The following CACNA2D3 variants were observed in gnomAD, a reference collection of about 807,000 sequenced individuals.
CACNA2D3 encodes the protein calcium voltage-gated channel auxiliary subunit alpha2delta 3, also known as voltage-dependent calcium channel subunit alpha-2/delta-3.
CACNA2D3 carries 60 observed loss-of-function variants against 160.6 expected under a neutral mutation model. That is an observed-to-expected ratio of 0.37 (90% CI 0.30 to 0.46). The LOEUF is 0.46. Ranked by LOEUF, CACNA2D3 falls within the 20% of genes least tolerant of loss-of-function variation. The pLI, the probability that CACNA2D3 is intolerant of heterozygous loss-of-function variation, is 1.00. For synonymous variants in CACNA2D3, 558 were observed against 492.9 expected, an observed-to-expected ratio of 1.13 and a Z score of -1.75; for missense variants, 1,205 against 1,365.0, an observed-to-expected ratio of 0.88 and a Z score of 1.85.
intron 4 of CACNA2D3, among the ~76,000 whole-genome samples, chr3:54,400,066 G>T (rs1255080163): frequency 7.3e-6 from 1 of 136,366 alleles, no homozygotes; most frequent in Non-Finnish European, 1.6e-5. Flanking sequence ...CGATTTTCCA[G>T]GTGCGTCCGT....
intron 11 of CACNA2D3, among the ~76,000 whole-genome samples, chr3:54,644,255 T>C (rs1487650815): frequency 6.6e-6 from 1 of 152,036 alleles, no homozygotes; most frequent in Non-Finnish European, 1.5e-5. Context: ...ATTCTGGAAA[T>C]TTCAACATTA....
At chr3:54,194,428 T>C (rs1701037134) in intron 2 of CACNA2D3, among the ~76,000 whole-genome samples, 1 of 152,168 alleles carries the variant, frequency 6.6e-6, no homozygotes, top group South Asian at 2.1e-4. Context: ...CATTTCATAA[T>C]GGCCAAAGTC....
At position 54,821,637 on chromosome 3, in the gene CACNA2D3, TTTCG is replaced by T. The variant is rs1426988305; in HGVS notation, c.1398+4771_1398+4774del. The stretch of plus-strand genomic sequence containing the variant: ...TGGAAGCCTTCGTTTTTCTAGAGTC[TTTCG>T]TTCTTTCTTTCTTTCTTTCTTTCTT... On this transcript the variant is annotated intron_variant, in intron 14 of 37. Coordinates refer to ENST00000474759, the MANE Select transcript of CACNA2D3 (RefSeq NM_018398.3). 1.4e-3 allele frequency among the ~76,000 whole-genome samples: 204 copies of T among 147,808 alleles called. 2 individuals are homozygous for T. Among genetic ancestry groups the T allele is most frequent in the African/African-American group, 4.1e-3 (162 of 39,672 alleles).
At chr3:54,918,409 G>A in intron 27 of CACNA2D3, 1 of 1,431,642 alleles carries the variant, frequency 7.0e-7, no homozygotes, top group Admixed American at 2.0e-5. Context: ...GCCCTACTCA[G>A]ACACTATCTT....
intron 17 of CACNA2D3, among the ~76,000 whole-genome samples, chr3:54,859,980 A>ACACACACG (rs1699254683): frequency 6.7e-6 from 1 of 148,344 alleles, no homozygotes; most frequent in African/African-American, 2.5e-5. Flanking sequence ...ATGCACACAC[A>ACACACACG]CACACACACA....
intron 4 of CACNA2D3, among the ~76,000 whole-genome samples, chr3:54,400,036 A>T (rs1382971888): frequency 1.5e-5 from 2 of 131,254 alleles, no homozygotes; most frequent in Non-Finnish European, 3.3e-5. Context: ...GAAAAGTGCA[A>T]TATTCGGGTG....
At chr3:54,230,840 T>C (rs1347609755) in intron 2 of CACNA2D3, among the ~76,000 whole-genome samples, 1 of 152,272 alleles carries the variant, frequency 6.6e-6, no homozygotes. Context: ...TAAATTGAGC[T>C]GTAAACATTT....
intron 12 of CACNA2D3, among the ~76,000 whole-genome samples, chr3:54,757,858 A>G (rs1024332246): frequency 3.3e-5 from 5 of 152,218 alleles, no homozygotes; most frequent in African/African-American, 4.8e-5. Context: ...CGGTAGAGCT[A>G]GGATTTAGGC....
rs529528072 is a variant in CACNA2D3 at position 54,470,776 on chromosome 3, A to G, written c.382-32716A>G. 1.1e-4 allele frequency among the ~76,000 whole-genome samples: 17 copies of G among 152,360 alleles called. No individual in the cohort carries two copies. The East Asian group carries it at 3.1e-3, about 28-fold the overall frequency. ...AGAGGTTGCAATCCTAGTCTCTGAT[A>G]AAACAGACTTTAAACCAACAAAGAT... On this transcript the variant is annotated intron_variant, in intron 4 of 37. Coordinates refer to ENST00000474759, the MANE Select transcript of CACNA2D3 (RefSeq NM_018398.3).
intron 2 of CACNA2D3, among the ~76,000 whole-genome samples, chr3:54,273,486 T>A (rs1702663739): frequency 6.6e-6 from 1 of 152,208 alleles, no homozygotes; most frequent in Non-Finnish European, 1.5e-5. Flanking sequence ...CTAAACCATT[T>A]TCTGTTCCTT....
At chr3:54,149,364 T>G (rs151154914) in intron 2 of CACNA2D3, among the ~76,000 whole-genome samples, 79 of 152,114 alleles carry the variant, frequency 5.2e-4, no homozygotes, top group Admixed American at 3.3e-4. Context: ...TTGGCTGCCT[T>G]GGGCCTAGGG....
At chr3:54,725,836 C>T (rs1420411111) in intron 11 of CACNA2D3, among the ~76,000 whole-genome samples, 1 of 152,072 alleles carries the variant, frequency 6.6e-6, no homozygotes, top group African/African-American at 2.4e-5. Context: ...GGAAGCATTC[C>T]CTTGGACAAC....
At chr3:54,307,310 C>G (rs1476232133) in intron 2 of CACNA2D3, among the ~76,000 whole-genome samples, 2 of 152,138 alleles carry the variant, frequency 1.3e-5, no homozygotes, top group African/African-American at 4.8e-5. Context: ...AGGGATGGCT[C>G]TGATGTATAA....
chr3:54,656,971 G>T (rs1699884638), intron 11 of CACNA2D3, among the ~76,000 whole-genome samples: 1 of 152,106 alleles, frequency 6.6e-6, no homozygotes, highest in South Asian at 2.1e-4. Context: ...TTTCACCTGG[G>T]TGCAGGTGGG....
intron 35 of CACNA2D3, among the ~76,000 whole-genome samples, chr3:55,026,581 A>G (rs553462651): frequency 6.6e-6 from 1 of 152,328 alleles, no homozygotes; most frequent in East Asian, 1.9e-4. Flanking sequence ...CTAACACAAT[A>G]TCACCAGGGT....
At chr3:55,007,041 A>T (rs1489591560) in intron 32 of CACNA2D3, among the ~76,000 whole-genome samples, 1 of 152,346 alleles carries the variant, frequency 6.6e-6, no homozygotes, top group Non-Finnish European at 1.5e-5. Context: ...TAACTGGCAT[A>T]GCTAGGTACA....
intron 5 of CACNA2D3, among the ~76,000 whole-genome samples, chr3:54,520,919 C>T (rs775034878): frequency 1.3e-5 from 2 of 152,150 alleles, no homozygotes; most frequent in Non-Finnish European, 2.9e-5. Flanking sequence ...CAAGATTTTT[C>T]CATTTGTACC....
intron 2 of CACNA2D3, among the ~76,000 whole-genome samples, chr3:54,252,127 C>A (rs1702203520): frequency 1.6e-5 from 1 of 62,330 alleles, no homozygotes; most frequent in Non-Finnish European, 3.0e-5. Flanking sequence ...ACGATACTCT[C>A]CGTCTCTCCC....
At chr3:54,523,024 T>C (rs1320781990) in intron 5 of CACNA2D3, among the ~76,000 whole-genome samples, 2 of 152,158 alleles carry the variant, frequency 1.3e-5, no homozygotes, top group African/African-American at 2.4e-5. Flanking sequence ...AGTGACAGTT[T>C]TGTTCTTTGA....
Sources: gnomAD v4.1 joint callset for allele counts (sites outside exome capture counted in the v4.1 genomes callset) on GRCh38, gnomAD v4.1.1 for gene constraint, MANE v1.5 for transcripts, NCBI Gene and HGNC (gene_info 2026-07-23, HGNC 2026-07-21) for gene names.